Variants in SLC25A26 observed in about 807,000 individuals in gnomAD.
SLC25A26 encodes mitochondrial S-adenosylmethionine carrier protein.
In SLC25A26, 36 loss-of-function variants were observed where a neutral mutation model predicts 37.8. The observed-to-expected ratio is 0.95, with a 90% CI of 0.73 to 1.26. The LOEUF is 1.26. SLC25A26 is among the 50% of genes most tolerant of loss of function. The pLI, the probability that SLC25A26 is intolerant of heterozygous loss-of-function variation, is 0.00. For synonymous variants in SLC25A26, 129 were observed against 122.5 expected, an observed-to-expected ratio of 1.05 and a Z score of -0.35; for missense variants, 390 against 331.1, an observed-to-expected ratio of 1.18 and a Z score of -1.38.
At chr3:66,247,335 G>T (rs966990079) in intron 3 of SLC25A26, among the ~76,000 whole-genome samples, 2 of 151,978 alleles carry the variant, frequency 1.3e-5, no homozygotes, top group Admixed American at 6.6e-5. Context: ...GAATGATGGG[G>T]TCTCACTCTG....
At chr3:66,371,529 C>T (rs1700343388) in intron 9 of SLC25A26, 2 of 1,282,246 alleles carry the variant, frequency 1.6e-6, no homozygotes, top group Admixed American at 3.5e-5. Context: ...AATGTGACAA[C>T]TCTGAGGGAT....
At chr3:66,183,246 C>A (rs2070751094) in intron 1 of SLC25A26, among the ~76,000 whole-genome samples, 1 of 151,928 alleles carries the variant, frequency 6.6e-6, no homozygotes, top group Admixed American at 6.6e-5. Context: ...GCCTGGCCTG[C>A]CATTCACTCT....
chr3:66,184,616 G>GCTCACCTTGAGTTTACTATGTATTACATT (rs2070787338), intron 1 of SLC25A26, among the ~76,000 whole-genome samples: 1 of 152,196 alleles, frequency 6.6e-6, no homozygotes, highest in African/African-American at 2.4e-5. Context: ...TGTATTACAT[G>GCTCACCTTGAGTTTACTATGTATTACATT]CTCAACCAAA....
At chr3:66,310,493 T>G (rs1236205533) in intron 5 of SLC25A26, among the ~76,000 whole-genome samples, 2 of 152,228 alleles carry the variant, frequency 1.3e-5, no homozygotes, top group African/African-American at 2.4e-5. Context: ...TCTAGCCCAT[T>G]TACATTTAAG....
intron 8 of SLC25A26, among the ~76,000 whole-genome samples, chr3:66,369,984 TAG>T (rs1472916118): frequency 6.6e-6 from 1 of 152,142 alleles, no homozygotes; most frequent in Non-Finnish European, 1.5e-5. Flanking sequence ...CCCTGCTAGA[TAG>T]AGAGTTGAAA....
At chr3:66,180,145 A>G (rs1275143128) in intron 1 of SLC25A26, among the ~76,000 whole-genome samples, 1 of 152,172 alleles carries the variant, frequency 6.6e-6, no homozygotes, top group Admixed American at 6.5e-5. Context: ...GTCAACCTAA[A>G]ACTTTTTCTC....
chr3:66,328,113 A>G (rs2075883484), intron 5 of SLC25A26, among the ~76,000 whole-genome samples: 3 of 152,152 alleles, frequency 2.0e-5, no homozygotes, highest in Non-Finnish European at 2.9e-5. Flanking sequence ...AGAATTGTTC[A>G]GTGTAATAAA....
intron 9 of SLC25A26, among the ~76,000 whole-genome samples, chr3:66,375,512 T>G (rs1700594854): frequency 6.6e-6 from 1 of 152,188 alleles, no homozygotes; most frequent in African/African-American, 2.4e-5. Context: ...GCAGCTGGTA[T>G]CTTTAAGTTG....
chr3:66,192,288 C>A (rs935985194), intron 1 of SLC25A26, among the ~76,000 whole-genome samples: 37 of 137,688 alleles, frequency 2.7e-4, no homozygotes, highest in Admixed American at 2.5e-3. Context: ...TGCACTCCAG[C>A]CTAGGCAACA....
At chr3:66,370,484 G>C in intron 8 of SLC25A26, 45 bp from the exon 9 acceptor site, 1 of 1,498,176 alleles carries the variant, frequency 6.7e-7, no homozygotes. Context: ...GTGTGTGATT[G>C]GGAGCTTCAG....
intron 1 of SLC25A26, among the ~76,000 whole-genome samples, chr3:66,206,271 A>G (rs1029211642): frequency 1.4e-4 from 21 of 152,184 alleles, no homozygotes; most frequent in African/African-American, 5.1e-4. Context: ...TATCTGCAAC[A>G]TCTACTAAAA....
chr3:66,146,038 C>T (rs566948832), intron 1 of SLC25A26, among the ~76,000 whole-genome samples: 2 of 152,074 alleles, frequency 1.3e-5, no homozygotes, highest in East Asian at 1.9e-4. Context: ...GAGAATTTTC[C>T]GTTTAAAAAT....
At position 66,377,689 on chromosome 3, in the gene SLC25A26, G is replaced by C; in HGVS notation, c.708-1G>C. 1 of 1,611,100 alleles carries C rather than the reference G, an allele frequency of 6.2e-7. No homozygotes were observed. Among genetic ancestry groups the C allele is most frequent in the Non-Finnish European group, 8.5e-7 (1 of 1,177,854 alleles). On this transcript the variant is annotated splice_acceptor_variant, in intron 9 of 9. Coordinates refer to ENST00000354883, the MANE Select transcript of SLC25A26 (RefSeq NM_001379210.1). LOFTEE classifies it high-confidence loss of function. ...ATTAAAAATCCTGTTTTTTCCCCTA[G>C]ATTATTTGCAGGTGTCTTCCCTCGA... is the stretch of plus-strand genomic sequence containing the variant.
intron 1 of SLC25A26, among the ~76,000 whole-genome samples, chr3:66,140,767 A>G (rs895293831): frequency 9.2e-5 from 14 of 152,180 alleles, no homozygotes; most frequent in Non-Finnish European, 2.1e-4. Context: ...TTCTTACTGT[A>G]TCACATCCCT....
intron 5 of SLC25A26, among the ~76,000 whole-genome samples, chr3:66,327,598 C>T (rs1019882235): frequency 2.6e-5 from 4 of 151,880 alleles, no homozygotes; most frequent in African/African-American, 9.7e-5. Context: ...GTGTTCTTCA[C>T]TGAAAGGATT....
chr3:66,365,357 C>T (rs1168113526), intron 7 of SLC25A26, among the ~76,000 whole-genome samples: 2 of 152,172 alleles, frequency 1.3e-5, no homozygotes, highest in African/African-American at 2.4e-5. Flanking sequence ...GCGCAAATAT[C>T]CAAAAATGTC....
At chr3:66,250,918 A>G (rs1171502984) in intron 3 of SLC25A26, among the ~76,000 whole-genome samples, 7 of 152,232 alleles carry the variant, frequency 4.6e-5, no homozygotes, top group South Asian at 2.1e-4. Flanking sequence ...AAGTAAGTCA[A>G]CATATCCATC....
Position 66,209,111 on chromosome 3 carries a change from T to C in SLC25A26, c.-353-11631T>C, listed in dbSNP as rs1449553602. Among the ~76,000 whole-genome samples the C allele has an allele frequency of 1.9e-5, 2 of 103,774 alleles. 1 individual carries two copies. Among genetic ancestry groups the C allele is most frequent in the Non-Finnish European group, 3.7e-5 (2 of 54,402 alleles). The allele number at this position is 103,774 out of a possible 152,430, so 68.1% of individuals were successfully genotyped here. A position where few individuals can be genotyped will look rare whatever the true frequency, so the allele number is the denominator to read the frequency against. ...AGATGTATATATATATATATATATA[T>C]ATACACAAAAAGATATATATACCTT... On this transcript the variant is annotated intron_variant, in intron 1 of 10. Coordinates refer to the SLC25A26 transcript ENST00000676754.
chr3:66,342,765 C>A (rs2076237992), intron 5 of SLC25A26, among the ~76,000 whole-genome samples: 1 of 152,182 alleles, frequency 6.6e-6, no homozygotes, highest in South Asian at 2.1e-4. Context: ...AGAATTATTG[C>A]TCTGTTTATT....
Sources: allele counts gnomAD v4.1 joint callset (sites outside exome capture counted in the v4.1 genomes callset), GRCh38; gene constraint gnomAD v4.1.1; transcripts MANE v1.5; gene names NCBI Gene and HGNC (gene_info 2026-07-23, HGNC 2026-07-21).